The following AFF1 variants were observed in gnomAD, a reference collection of about 807,000 sequenced individuals.
The protein encoded by AFF1 is ALF transcription elongation factor 1.
AFF1 carries 48 observed loss-of-function variants against 121.7 expected under a neutral mutation model. That is an observed-to-expected ratio of 0.39 (90% confidence interval 0.31 to 0.50). The LOEUF (loss-of-function observed/expected upper bound fraction) is 0.50, where lower values mean the gene tolerates loss of function less well. AFF1 is among the 20% of genes least tolerant of loss of function. The pLI, the probability that AFF1 is intolerant of heterozygous loss-of-function variation, is 0.76. For missense variants in AFF1, 1,523 were observed against 1,511.7 expected, an observed-to-expected ratio of 1.01 and a Z score of -0.12; for synonymous variants, 613 against 563.0, an observed-to-expected ratio of 1.09 and a Z score of -1.26.
intron 2 of AFF1, among the ~76,000 whole-genome samples, chr4:86,987,043 C>T (rs1258862645): frequency 2.6e-5 from 4 of 151,990 alleles, no homozygotes; most frequent in Admixed American, 2.6e-4. Context: ...GGGGGTCTTG[C>T]TATGTTGCCC....
chr4:87,127,537 C>T (rs973954466), intron 15 of AFF1, 106 bp from the exon 16 acceptor site: 7 of 990,146 alleles, frequency 7.1e-6, no homozygotes, highest in South Asian at 5.7e-5. Flanking sequence ...TACCCTCTCT[C>T]CTCCCCTTGC....
At chr4:87,049,318 T>A (rs1731042752) in intron 4 of AFF1, among the ~76,000 whole-genome samples, 1 of 152,044 alleles carries the variant, frequency 6.6e-6, no homozygotes, top group African/African-American at 2.4e-5. Flanking sequence ...AGAGAACAAT[T>A]GAGTTTTCTC....
intron 12 of AFF1, among the ~76,000 whole-genome samples, chr4:87,118,941 AGGTTTCCCATT>A (rs1055267499): frequency 5.3e-5 from 8 of 152,176 alleles, no homozygotes; most frequent in South Asian, 2.1e-4. Flanking sequence ...TGCCTTCTAG[AGGTTTCCCATT>A]GGTTTCCCAT....
chr4:86,990,318 A>AT (rs1268220522), intron 2 of AFF1, among the ~76,000 whole-genome samples: 2 of 127,472 alleles, frequency 1.6e-5, no homozygotes, highest in African/African-American at 3.6e-5. Flanking sequence ...CCTTGTCCCT[A>AT]TTTAAAAAAA....
chr4:87,038,430 T>C (rs1344611462), intron 2 of AFF1, among the ~76,000 whole-genome samples: 1 of 152,234 alleles, frequency 6.6e-6, no homozygotes, highest in Non-Finnish European at 1.5e-5. Context: ...CTTGGAGGTA[T>C]GTTGATGCTT....
chr4:87,119,681 T>G (rs1275238717), intron 12 of AFF1, among the ~76,000 whole-genome samples: 1 of 152,264 alleles, frequency 6.6e-6, no homozygotes, highest in Non-Finnish European at 1.5e-5. Context: ...ATCTTACAGA[T>G]TCCTTTCAAA....
At chr4:86,953,657 A>G (rs184874768) in intron 2 of AFF1, among the ~76,000 whole-genome samples, 2 of 152,164 alleles carry the variant, frequency 1.3e-5, no homozygotes, top group Admixed American at 6.5e-5. Flanking sequence ...AAAAATTGTT[A>G]TTGGAGTCTA....
chr4:87,081,881 C>A (rs1427155437), intron 4 of AFF1, among the ~76,000 whole-genome samples: 1 of 152,102 alleles, frequency 6.6e-6, no homozygotes. Flanking sequence ...TTTCTTCAGT[C>A]CTGGTTCATC....
chr4:86,959,741 C>G (rs1208780832), intron 2 of AFF1, among the ~76,000 whole-genome samples: 2 of 152,096 alleles, frequency 1.3e-5, no homozygotes, highest in Non-Finnish European at 2.9e-5. Context: ...GGTTTGAAAG[C>G]AGAGGTTGGC....
At chr4:87,094,531 G>C (rs1020091791) in intron 7 of AFF1, among the ~76,000 whole-genome samples, 5 of 152,166 alleles carry the variant, frequency 3.3e-5, no homozygotes, top group Non-Finnish European at 5.9e-5. Context: ...GCTGTCTAAA[G>C]AGAGTGATAA....
chr4:87,089,960 T>C (rs1470829497), intron 5 of AFF1, 24 bp from the exon 6 acceptor site: 1 of 1,583,654 alleles, frequency 6.3e-7, no homozygotes, highest in Non-Finnish European at 8.7e-7. Context: ...TTACTTTTTC[T>C]TCCCTTTCCA....
chr4:87,022,542 A>G (rs1234111327), intron 2 of AFF1, among the ~76,000 whole-genome samples: 1 of 85,812 alleles, frequency 1.2e-5, no homozygotes, highest in Non-Finnish European at 2.3e-5. Flanking sequence ...CCGTGCTTAC[A>G]GATATATATA....
intron 4 of AFF1, among the ~76,000 whole-genome samples, chr4:87,080,713 T>C (rs1239828169): frequency 3.9e-5 from 6 of 152,198 alleles, no homozygotes; most frequent in Non-Finnish European, 7.3e-5. Context: ...TGCTCCCCTT[T>C]TGGAAAACCT....
intron 1 of AFF1, among the ~76,000 whole-genome samples, chr4:86,948,056 T>TG (rs1423927178): frequency 2.7e-5 from 4 of 145,574 alleles, no homozygotes; most frequent in African/African-American, 1.0e-4. Flanking sequence ...ATTTCTTGGT[T>TG]GTTTTTTTTT....
intron 4 of AFF1, among the ~76,000 whole-genome samples, chr4:87,079,594 C>G (rs1247058079): frequency 6.6e-6 from 1 of 152,214 alleles, no homozygotes; most frequent in East Asian, 1.9e-4. Context: ...TTGTTTCTTG[C>G]AGCAGTGTTG....
At chr4:87,111,541 A>G (rs1163690277) in intron 11 of AFF1, among the ~76,000 whole-genome samples, 2 of 151,804 alleles carry the variant, frequency 1.3e-5, no homozygotes, top group Non-Finnish European at 2.9e-5. Flanking sequence ...TTTAGTAGAG[A>G]CGGGGTTTCA....
At chr4:86,941,272 A>T (rs1720433050) in intron 1 of AFF1, among the ~76,000 whole-genome samples, 2 of 152,206 alleles carry the variant, frequency 1.3e-5, no homozygotes, top group African/African-American at 4.8e-5. Flanking sequence ...GCACTTTGGT[A>T]GGCTGATGTG....
intron 2 of AFF1, among the ~76,000 whole-genome samples, chr4:87,010,611 CAT>C (rs1463697701): frequency 2.0e-5 from 3 of 152,154 alleles, no homozygotes; most frequent in East Asian, 1.9e-4. Flanking sequence ...AGTTTATAGA[CAT>C]ATTTTTTTCC....
At chr4:87,010,188 T>C (rs1477075005) in intron 2 of AFF1, among the ~76,000 whole-genome samples, 1 of 152,250 alleles carries the variant, frequency 6.6e-6, no homozygotes, top group Non-Finnish European at 1.5e-5. Context: ...TGTTAAAACC[T>C]AAGAGTAGGA....
Sources: allele counts gnomAD v4.1 joint callset (sites outside exome capture counted in the v4.1 genomes callset), GRCh38; gene constraint gnomAD v4.1.1; transcripts MANE v1.5; gene names NCBI Gene and HGNC (gene_info 2026-07-23, HGNC 2026-07-21).